AHI1: variants seen among roughly 807,000 people sequenced by gnomAD.
AHI1 encodes the protein Abelson helper integration site 1.
A neutral mutation model predicts 149.3 loss-of-function variants in AHI1; 123 were observed. That is an observed-to-expected ratio of 0.82 (90% CI 0.71 to 0.96). The LOEUF is 0.96. Ranked by LOEUF, AHI1 falls within the 40% of genes least tolerant of loss-of-function variation. The pLI is 0.00. For missense variants in AHI1, 1,439 were observed against 1,422.7 expected, an observed-to-expected ratio of 1.01 and a Z score of -0.18; for synonymous variants, 475 against 459.8, an observed-to-expected ratio of 1.03 and a Z score of -0.42.
chr6:135,340,357 C>T (rs1007404886), intron 24 of AHI1, among the ~76,000 whole-genome samples: 6 of 149,850 alleles, frequency 4.0e-5, no homozygotes, highest in South Asian at 2.1e-4. Flanking sequence ...GGCGACAGAG[C>T]GAGACTCTGT....
At chr6:135,316,158 T>C (rs530340241) in intron 26 of AHI1, among the ~76,000 whole-genome samples, 1 of 152,272 alleles carries the variant, frequency 6.6e-6, no homozygotes, top group South Asian at 2.1e-4. Flanking sequence ...TCAACCTGTC[T>C]TTCCAATAAA....
At chr6:135,417,489 T>C (rs1168238411) in intron 20 of AHI1, among the ~76,000 whole-genome samples, 1 of 151,980 alleles carries the variant, frequency 6.6e-6, no homozygotes, top group Non-Finnish European at 1.5e-5. Flanking sequence ...TTCTTAAAAA[T>C]GACATTTTTA....
chr6:135,489,670 G>C lies in AHI1; in HGVS notation c.135+953C>G, dbSNP rs143745060. The stretch of plus-strand genomic sequence containing the variant: ...AATCTGTCCATTCTGTCAGTAGTTC[G>C]AAATTTTTGTGCAGTCGTACACCAG... On this transcript the variant is annotated intron_variant, in intron 5 of 28. Coordinates refer to ENST00000265602, the MANE Select transcript of AHI1 (RefSeq NM_001134831.2). Among the ~76,000 whole-genome samples, 482 of 152,194 alleles carry C rather than the reference G, an allele frequency of 3.2e-3. 3 individuals are homozygous for C. The highest frequency in any genetic ancestry group is 0.011 in the African/African-American group (440 of 41,534).
chr6:135,353,318 C>T (rs1287638948), intron 24 of AHI1, among the ~76,000 whole-genome samples: 1 of 152,010 alleles, frequency 6.6e-6, no homozygotes, highest in Non-Finnish European at 1.5e-5. Flanking sequence ...CTCCACCCTG[C>T]AATTACCTAC....
intron 17 of AHI1, among the ~76,000 whole-genome samples, chr6:135,430,909 T>C (rs759844237): frequency 2.0e-5 from 3 of 152,012 alleles, no homozygotes; most frequent in Non-Finnish European, 4.4e-5. Flanking sequence ...TCGATGGTAA[T>C]ATAACATACA....
intron 27 of AHI1, among the ~76,000 whole-genome samples, chr6:135,293,616 G>C (rs1034588658): frequency 1.3e-5 from 2 of 151,612 alleles, no homozygotes; most frequent in African/African-American, 4.9e-5. Flanking sequence ...ATAAACTAGC[G>C]ACAATACCAT....
At position 135,290,627 on chromosome 6, in the gene AHI1, TG is replaced by T. The variant is rs1207080765; in HGVS notation, c.3486-103del. ...AGGGCCGTGGCAGTGGAAACAAAAA[TG>T]GGGATAAATGTGAGGATATGACAGA... is the stretch of plus-strand genomic sequence containing the variant. On this transcript the variant is annotated intron_variant, in intron 27 of 28. Transcript: ENST00000265602. 3 of 1,086,960 alleles carry T rather than the reference TG, an allele frequency of 2.8e-6. No homozygotes were observed. In the African/African-American group the frequency reaches 4.7e-5, roughly 17 times the overall value. The allele number at this position is 1,086,960 out of a possible 1,614,324, so 67.3% of individuals were successfully genotyped here.
intron 27 of AHI1, among the ~76,000 whole-genome samples, chr6:135,298,087 C>G (rs1205865816): frequency 1.3e-5 from 2 of 152,082 alleles, no homozygotes; most frequent in East Asian, 3.9e-4. Flanking sequence ...AACATTAATA[C>G]TACTTGTTAA....
intron 22 of AHI1, among the ~76,000 whole-genome samples, chr6:135,395,649 C>A (rs982159713): frequency 6.6e-6 from 1 of 151,230 alleles, no homozygotes; most frequent in East Asian, 1.9e-4. Flanking sequence ...AATCAGAATT[C>A]GTTTCAGAAA....
At chr6:135,452,830 C>T (rs1007539164) in intron 11 of AHI1, among the ~76,000 whole-genome samples, 1 of 152,108 alleles carries the variant, frequency 6.6e-6, no homozygotes, top group Non-Finnish European at 1.5e-5. Context: ...CTACCATAGA[C>T]CATTTCTTCC....
intron 23 of AHI1, among the ~76,000 whole-genome samples, chr6:135,365,200 G>A (rs1009608736): frequency 3.3e-5 from 5 of 152,102 alleles, no homozygotes; most frequent in African/African-American, 9.7e-5. Flanking sequence ...ATGCTCTTTC[G>A]ATGACTATAG....
chr6:135,425,540 A>G (rs538470514), intron 20 of AHI1, among the ~76,000 whole-genome samples: 2 of 151,954 alleles, frequency 1.3e-5, no homozygotes, highest in African/African-American at 2.4e-5. Flanking sequence ...GTGCTTATCA[A>G]TTTACCTAGT....
At chr6:135,486,341 T>G (rs1015396755) in intron 5 of AHI1, among the ~76,000 whole-genome samples, 1 of 152,212 alleles carries the variant, frequency 6.6e-6, no homozygotes, top group Non-Finnish European at 1.5e-5. Flanking sequence ...TCTAGGTTTG[T>G]TGCTCACATG....
chr6:135,401,381 TACTC>T (rs1028903834), intron 22 of AHI1, among the ~76,000 whole-genome samples: 18 of 152,334 alleles, frequency 1.2e-4, no homozygotes, highest in African/African-American at 4.3e-4. Context: ...ACTTGGTAGA[TACTC>T]AATAAATACT....
At chr6:135,473,932 A>G (rs1240860944) in intron 5 of AHI1, among the ~76,000 whole-genome samples, 1 of 152,174 alleles carries the variant, frequency 6.6e-6, no homozygotes, top group East Asian at 1.9e-4. Context: ...GTGCATAAAC[A>G]CGCATTCAGT....
intron 22 of AHI1, among the ~76,000 whole-genome samples, chr6:135,400,823 C>A (rs935331053): frequency 6.6e-6 from 1 of 152,142 alleles, no homozygotes; most frequent in African/African-American, 2.4e-5. Flanking sequence ...TGCATCTTTT[C>A]TCTTGCAACT....
intron 21 of AHI1, among the ~76,000 whole-genome samples, chr6:135,410,389 A>G (rs1210372457): frequency 2.0e-5 from 3 of 152,138 alleles, no homozygotes; most frequent in Non-Finnish European, 4.4e-5. Flanking sequence ...ACAAAACAAA[A>G]CAACCAAAAA....
At chr6:135,472,046 A>AAAAAAAAAAAAAAT in intron 5 of AHI1, among the ~76,000 whole-genome samples, 1 of 149,472 alleles carries the variant, frequency 6.7e-6, no homozygotes, top group Non-Finnish European at 1.5e-5. Flanking sequence ...AAAAAAAAAA[A>AAAAAAAAAAAAAAT]AAAGATATAG....
intron 24 of AHI1, among the ~76,000 whole-genome samples, chr6:135,345,227 C>T (rs1156307885): frequency 6.6e-6 from 1 of 152,114 alleles, no homozygotes; most frequent in Non-Finnish European, 1.5e-5. Context: ...CTGGTGTGAT[C>T]GTAAAGTGGT....
Sources: gnomAD v4.1 joint callset for allele counts (sites outside exome capture counted in the v4.1 genomes callset) on GRCh38, gnomAD v4.1.1 for gene constraint, MANE v1.5 for transcripts, NCBI Gene and HGNC (gene_info 2026-07-23, HGNC 2026-07-21) for gene names.